The following LCOR variants were observed in gnomAD, a reference collection of about 807,000 sequenced individuals.
LCOR encodes ligand-dependent corepressor.
In LCOR, 14 loss-of-function variants were observed where a neutral mutation model predicts 64.4. The observed-to-expected ratio is 0.22, with a 90% CI of 0.14 to 0.34. The LOEUF (loss-of-function observed/expected upper bound fraction) is 0.34. LCOR is among the 10% of genes least tolerant of loss of function. The pLI, the probability that LCOR is intolerant of heterozygous loss-of-function variation, is 1.00. For missense variants in LCOR, 1,686 were observed against 1,765.3 expected, an observed-to-expected ratio of 0.96 and a Z score of 0.80; for synonymous variants, 643 against 642.5, an observed-to-expected ratio of 1.00 and a Z score of -0.01.
intron 4 of LCOR, among the ~76,000 whole-genome samples, chr10:96,937,276 G>C (rs999389443): frequency 7.9e-5 from 12 of 152,176 alleles, no homozygotes; most frequent in African/African-American, 1.9e-4. Context: ...AGGCAAGGAA[G>C]GACTCTTCTC....
At chr10:96,938,277 A>G (rs966509829) in intron 4 of LCOR, among the ~76,000 whole-genome samples, 2 of 152,216 alleles carry the variant, frequency 1.3e-5, no homozygotes, top group Non-Finnish European at 2.9e-5. Flanking sequence ...ACTGTAATAC[A>G]ATGTGTTAAT....
In LCOR at chr10:96,944,075, A is replaced by G. The variant is rs185252169; in HGVS notation, c.-183-38A>G. The G allele has an allele frequency of 8.1e-6, 8 of 985,218 alleles. No homozygotes were observed. The East Asian group carries it at 5.7e-4, about 70-fold the overall frequency. 61.0% of individuals were successfully genotyped at this position (985,218 alleles called of 1,614,324 possible). On this transcript the variant is annotated intron_variant, in intron 4 of 7. Transcript: ENST00000421806. ...TATGCTTTTGTTATTGAATGGGGAAAGACGTGTGTGCAACTATTTCACCAA... is the reference window on the plus strand; with the variant it reads ...TATGCTTTTGTTATTGAATGGGGAAGGACGTGTGTGCAACTATTTCACCAA...
chr10:96,944,900 C>A (rs4919061), intron 5 of LCOR, among the ~76,000 whole-genome samples: 53,495 of 151,954 alleles, frequency 0.35, 13,360 homozygotes, highest in African/African-American at 0.7. Context: ...TGAGGCTTAT[C>A]AATCCTTCAT....
chr10:96,980,127 G>A (rs1008946263), intron 7 of LCOR, among the ~76,000 whole-genome samples: 14 of 151,372 alleles, frequency 9.2e-5, no homozygotes, highest in Non-Finnish European at 1.5e-4. Flanking sequence ...CTGGGCGACA[G>A]AGCAAGACTG....
chr10:96,832,381 A>G lies in LCOR; in HGVS notation c.-422A>G. ...GCAAGAACTGGATTCGTGGCGCCAC[A>G]AGCTCATTCACTGTGTAGGTGAGAC... On this transcript the variant is annotated 5_prime_UTR_variant, in exon 1 of 8. Transcript: ENST00000421806. The G allele has an allele frequency of 1.0e-6, 1 of 984,710 alleles. No homozygotes were observed. The highest frequency in any genetic ancestry group is 1.2e-6 in the Non-Finnish European group (1 of 829,230). 61.0% of individuals were successfully genotyped at this position (984,710 alleles called of 1,614,324 possible).
At chr10:96,923,295 C>G (rs1266849013) in intron 4 of LCOR, among the ~76,000 whole-genome samples, 2 of 152,214 alleles carry the variant, frequency 1.3e-5, no homozygotes, top group African/African-American at 4.8e-5. Context: ...ACAAAACCTG[C>G]ATGTGTTCAC....
Position 96,912,995 on chromosome 10 carries a change from G to C in LCOR, c.-184+5248G>C, listed in dbSNP as rs1846871031. On this transcript the variant is annotated intron_variant, in intron 4 of 7. Coordinates refer to ENST00000421806, the MANE Select transcript of LCOR (RefSeq NM_001346516.2). ...TACTTAGCAGTTCAAATTATCCTAG[G>C]CCATTTAGGGCCCTTTGGAGTTGGC... Among the ~76,000 whole-genome samples, 3 of 151,524 alleles carry C rather than the reference G, an allele frequency of 2.0e-5. No homozygotes were observed. In the South Asian group the frequency reaches 6.3e-4, roughly 32 times the overall value.
intron 2 of LCOR, among the ~76,000 whole-genome samples, chr10:96,876,528 G>A (rs1389953560): frequency 6.6e-6 from 1 of 152,000 alleles, no homozygotes; most frequent in Non-Finnish European, 1.5e-5. Context: ...TAATTAAAAA[G>A]CAAATAGAGA....
intron 7 of LCOR, chr10:96,963,691 C>T (rs1847916396): frequency 6.6e-6 from 1 of 152,206 alleles, no homozygotes; most frequent in Non-Finnish European, 1.5e-5. Context: ...ATGCGAAGTT[C>T]TAATTCCAGT....
At chr10:96,900,206 C>T (rs183848667) in intron 2 of LCOR, among the ~76,000 whole-genome samples, 1 of 152,128 alleles carries the variant, frequency 6.6e-6, no homozygotes, top group African/African-American at 2.4e-5. Flanking sequence ...CCTTTTTTCA[C>T]CTAACACAAT....
chr10:96,961,954 A>G (rs1012208111), intron 7 of LCOR: 4 of 151,940 alleles, frequency 2.6e-5, no homozygotes, highest in Non-Finnish European at 5.9e-5. Context: ...TCATTAAGAA[A>G]GCGCTTGTCC....
chr10:96,917,493 C>T (rs1221366053), intron 4 of LCOR, among the ~76,000 whole-genome samples: 1 of 152,110 alleles, frequency 6.6e-6, no homozygotes, highest in Non-Finnish European at 1.5e-5. Flanking sequence ...GAGATAGTAG[C>T]TAATACAAGA....
rs1847030369 is a variant in LCOR, at chr10:96,920,434, G to GTATGTATGTATATATATTCA, written c.-184+12690_-184+12691insGTATGTATATATATTCATAT. ...TATGTATATATATTCATATATATGT[G>GTATGTATGTATATATATTCA]TATATATGTGTATATATATGTATAT... On this transcript the variant is annotated intron_variant, in intron 4 of 7. Transcript: ENST00000421806. Among the ~76,000 whole-genome samples the GTATGTATGTATATATATTCA allele has an allele frequency of 1.3e-4, 16 of 124,002 alleles. 1 individual carries two copies. The highest frequency in any genetic ancestry group is 5.3e-4 in the African/African-American group (15 of 28,238). The allele number at this position is 124,002 out of a possible 152,430, so 81.4% of individuals were successfully genotyped here. A position where few individuals can be genotyped will look rare whatever the true frequency, so the allele number is the denominator to read the frequency against.
intron 7 of LCOR, chr10:96,961,964 C>CA (rs1207559945): frequency 6.6e-6 from 1 of 151,520 alleles, no homozygotes; most frequent in African/African-American, 2.4e-5. Context: ...AGCGCTTGTC[C>CA]AAAATGTTTA....
intron 2 of LCOR, among the ~76,000 whole-genome samples, chr10:96,844,340 G>C (rs191621536): frequency 1.3e-5 from 2 of 151,530 alleles, no homozygotes; most frequent in Non-Finnish European, 2.9e-5. Context: ...TTGTAAAGAC[G>C]GGGTCTTGCT....
intron 5 of LCOR, among the ~76,000 whole-genome samples, chr10:96,944,515 T>C (rs1847553132): frequency 6.6e-6 from 1 of 152,012 alleles, no homozygotes; most frequent in Non-Finnish European, 1.5e-5. Flanking sequence ...CTCTCAGTAG[T>C]ACTACATTTT....
In LCOR at chr10:96,952,916, A is replaced by G. The variant is rs114964363; in HGVS notation, c.332+720A>G. 2.9e-3 allele frequency among the ~76,000 whole-genome samples: 438 copies of G among 152,316 alleles called. 6 individuals carry two copies. Among genetic ancestry groups the G allele is most frequent in the African/African-American group, 9.5e-3 (394 of 41,572 alleles). On this transcript the variant is annotated intron_variant, in intron 7 of 7. Coordinates refer to ENST00000421806, the MANE Select transcript of LCOR (RefSeq NM_001346516.2). ...GTGTGACAAAAAATCAACTTTAGAT[A>G]TGAAAAATAACTGGTAAGTTTAAAT...
intron 7 of LCOR, among the ~76,000 whole-genome samples, chr10:96,971,279 A>G (rs1440673891): frequency 6.6e-6 from 1 of 152,278 alleles, no homozygotes; most frequent in Non-Finnish European, 1.5e-5. Context: ...CCTTCTGATT[A>G]TATGTAAAAA....
At chr10:96,865,091 G>A (rs1018835946) in intron 2 of LCOR, among the ~76,000 whole-genome samples, 1 of 152,160 alleles carries the variant, frequency 6.6e-6, no homozygotes, top group Non-Finnish European at 1.5e-5. Flanking sequence ...GTGGTTGGTA[G>A]AAAGGACTAT....
Sources: allele counts gnomAD v4.1 joint callset (sites outside exome capture counted in the v4.1 genomes callset), GRCh38; gene constraint gnomAD v4.1.1; transcripts MANE v1.5; gene names NCBI Gene and HGNC (gene_info 2026-07-23, HGNC 2026-07-21).